The following NUMB variants were observed in gnomAD, a reference collection of about 807,000 sequenced individuals.
NUMB encodes the protein protein numb homolog.
Under a neutral mutation model 59.7 loss-of-function variants are expected in NUMB, and 29 were observed. That is an observed-to-expected ratio of 0.49 (90% CI 0.36 to 0.66). The LOEUF (loss-of-function observed/expected upper bound fraction) is 0.66, where lower values mean the gene tolerates loss of function less well. Among genes scored for constraint, NUMB ranks in the 30% least tolerant of loss-of-function variants. NUMB has a pLI of 0.00. For synonymous variants in NUMB, 288 were observed against 288.2 expected, an observed-to-expected ratio of 1.00 and a Z score of 0.01; for missense variants, 723 against 822.0, an observed-to-expected ratio of 0.88 and a Z score of 1.47.
intron 2 of NUMB, among the ~76,000 whole-genome samples, chr14:73,405,361 G>C (rs1186886295): frequency 6.6e-6 from 1 of 151,966 alleles, no homozygotes; most frequent in Non-Finnish European, 1.5e-5. Context: ...TCTAGCTCTG[G>C]CTCAAGGCCC....
At chr14:73,320,864 G>T in intron 5 of NUMB, among the ~76,000 whole-genome samples, 1 of 146,776 alleles carries the variant, frequency 6.8e-6, no homozygotes, top group Admixed American at 6.8e-5. Context: ...TTATCTTCTT[G>T]GTTTAAAAAA....
chr14:73,351,415 T>C (rs1051396244), intron 4 of NUMB, among the ~76,000 whole-genome samples: 3 of 152,036 alleles, frequency 2.0e-5, no homozygotes, highest in Admixed American at 2.0e-4. Context: ...GAGGTTGCAG[T>C]GAGCGGGGGT....
intron 2 of NUMB, chr14:73,409,479 G>A (rs1896815400): frequency 6.6e-6 from 1 of 152,226 alleles, no homozygotes; most frequent in Non-Finnish European, 1.5e-5. Flanking sequence ...ACCTTCAAAG[G>A]ATCCCAGTTC....
At chr14:73,453,685 G>A (rs1884150806) in intron 1 of NUMB, among the ~76,000 whole-genome samples, 1 of 148,152 alleles carries the variant, frequency 6.7e-6, no homozygotes, top group Non-Finnish European at 1.5e-5. Context: ...TCAGCTCACT[G>A]CAACCTCCGC....
chr14:73,309,955 AACTT>A (rs1178244384), intron 6 of NUMB, among the ~76,000 whole-genome samples: 2 of 152,122 alleles, frequency 1.3e-5, no homozygotes, highest in Admixed American at 6.5e-5. Flanking sequence ...CATTCTCTAA[AACTT>A]AACCATTTCT....
intron 1 of NUMB, among the ~76,000 whole-genome samples, chr14:73,451,163 A>AC (rs1167164743): frequency 3.6e-5 from 5 of 140,062 alleles, no homozygotes; most frequent in East Asian, 4.2e-4. Context: ...CAAAAAAAAA[A>AC]AAAAAAAAAA....
intron 1 of NUMB, among the ~76,000 whole-genome samples, chr14:73,454,066 C>T (rs931683241): frequency 2.0e-5 from 3 of 149,926 alleles, no homozygotes; most frequent in Non-Finnish European, 3.0e-5. Flanking sequence ...AAAAGTTGGG[C>T]GGGGGGGGAA....
rs1893432954 is a variant in NUMB at position 73,352,517 on chromosome 14, TATATATATA to T, written c.126+3100_126+3108del. Reference sequence around the variant, plus strand: ...ATATATATATATATATATATATATATATATATATATATGTTTTTTTTTTTTTTTTTTTTT... The same window carrying T: ...ATATATATATATATATATATATATATTATGTTTTTTTTTTTTTTTTTTTTT... On this transcript the variant is annotated intron_variant, in intron 4 of 12. Coordinates refer to ENST00000555238, the MANE Select transcript of NUMB (RefSeq NM_001005743.2). Among the ~76,000 whole-genome samples the T allele has an allele frequency of 3.3e-4, 8 of 24,382 alleles. 1 individual carries two copies. The highest frequency in any genetic ancestry group is 2.1e-3 in the East Asian group (1 of 472). The allele number at this position is 24,382 out of a possible 152,430, so 16.0% of individuals were successfully genotyped here. A position where few individuals can be genotyped will look rare whatever the true frequency, so the allele number is the denominator to read the frequency against.
At chr14:73,324,613 AG>A (rs752387210) in intron 4 of NUMB, among the ~76,000 whole-genome samples, 18 of 151,100 alleles carry the variant, frequency 1.2e-4, no homozygotes, top group South Asian at 6.3e-4. Context: ...GAACTAACAA[AG>A]TTTTTTTTTT....
intron 4 of NUMB, among the ~76,000 whole-genome samples, chr14:73,342,985 T>C (rs116304273): frequency 0.052 from 7,772 of 150,298 alleles, 646 homozygotes; most frequent in African/African-American, 0.18. Context: ...TGCCACCATG[T>C]CTGGCTAATT....
intron 5 of NUMB, 88 bp downstream of exon 5, chr14:73,323,042 T>C: frequency 1.0e-6 from 1 of 959,500 alleles, no homozygotes; most frequent in Non-Finnish European, 1.6e-6. Context: ...ACACAGTTTT[T>C]ACTGGGTCAC....
At chr14:73,437,513 A>G (rs990364860) in intron 1 of NUMB, among the ~76,000 whole-genome samples, 3 of 152,220 alleles carry the variant, frequency 2.0e-5, no homozygotes, top group Non-Finnish European at 4.4e-5. Context: ...ACTGGCTTAC[A>G]GCTTGCAATT....
chr14:73,442,251 ATGGTCCTAGCTACTCAGAGGCTGAGGTG>A (rs1313154607), intron 1 of NUMB, among the ~76,000 whole-genome samples: 2 of 151,368 alleles, frequency 1.3e-5, no homozygotes, highest in Non-Finnish European at 2.9e-5. Context: ...GTGCATGCCT[ATGGTCCTAGCTACTCAGAGGCTGAGGTG>A]GGACCATCTC....
At chr14:73,313,546 G>A (rs892344204) in intron 6 of NUMB, among the ~76,000 whole-genome samples, 2 of 148,772 alleles carry the variant, frequency 1.3e-5, no homozygotes, top group African/African-American at 2.5e-5. Context: ...TTAAAGTATT[G>A]TATAAAATTA....
chr14:73,379,477 A>T (rs1895126537), intron 2 of NUMB, among the ~76,000 whole-genome samples: 1 of 152,238 alleles, frequency 6.6e-6, no homozygotes, highest in Non-Finnish European at 1.5e-5. Flanking sequence ...AATAATGAAG[A>T]AACAAATACA....
chr14:73,333,659 A>AT (rs1485942716), intron 4 of NUMB, among the ~76,000 whole-genome samples: 1 of 151,974 alleles, frequency 6.6e-6, no homozygotes, highest in African/African-American at 2.4e-5. Context: ...ATTTCCAAAC[A>AT]TTTTCTCCCA....
intron 1 of NUMB, among the ~76,000 whole-genome samples, chr14:73,456,050 A>C (rs8021579): frequency 0.061 from 9,270 of 152,126 alleles, 722 homozygotes; most frequent in African/African-American, 0.17. Context: ...CAAGACAAAC[A>C]CAGGAGGAAC....
chr14:73,385,308 CTT>C (rs1174960370), intron 2 of NUMB, among the ~76,000 whole-genome samples: 15 of 112,288 alleles, frequency 1.3e-4, no homozygotes, highest in African/African-American at 2.3e-4. Flanking sequence ...CCAGTTAATT[CTT>C]TTTTTTTTTT....
In NUMB at chr14:73,354,225, T is replaced by C. The variant is rs984782778; in HGVS notation, c.126+1401A>G. 2.5e-4 allele frequency among the ~76,000 whole-genome samples: 38 copies of C among 151,782 alleles called. 1 individual carries two copies. Among genetic ancestry groups the C allele is most frequent in the African/African-American group, 8.7e-4 (36 of 41,316 alleles). On this transcript the variant is annotated intron_variant, in intron 4 of 12. Coordinates refer to ENST00000555238, the MANE Select transcript of NUMB (RefSeq NM_001005743.2). The stretch of plus-strand genomic sequence containing the variant: ...GAATATTTACACTTATAAGAATACA[T>C]AGGCCGAGTGTGGTGGATCATGTCT...
Sources: gnomAD v4.1 joint callset for allele counts (sites outside exome capture counted in the v4.1 genomes callset) on GRCh38, gnomAD v4.1.1 for gene constraint, MANE v1.5 for transcripts, NCBI Gene and HGNC (gene_info 2026-07-23, HGNC 2026-07-21) for gene names.